MIPEP: variants seen among roughly 807,000 people sequenced by gnomAD.
MIPEP encodes the protein mitochondrial intermediate peptidase.
Under a neutral mutation model 90.3 loss-of-function variants are expected in MIPEP, and 79 were observed. That is an observed-to-expected ratio of 0.87 (90% confidence interval 0.73 to 1.05). The LOEUF (loss-of-function observed/expected upper bound fraction) is 1.05. Among genes scored for constraint, MIPEP ranks in the 50% least tolerant of loss-of-function variants. The pLI, the probability that MIPEP is intolerant of heterozygous loss-of-function variation, is 0.00. For missense variants in MIPEP, 940 were observed against 905.6 expected, an observed-to-expected ratio of 1.04 and a Z score of -0.49; for synonymous variants, 334 against 315.8, an observed-to-expected ratio of 1.06 and a Z score of -0.61.
Position 23,752,384 on chromosome 13 carries a change from G to A in MIPEP, c.2044+4161C>T, listed in dbSNP as rs111275852. 6.7e-4 allele frequency among the ~76,000 whole-genome samples: 102 copies of A among 152,144 alleles called. 1 individual carries two copies. The highest frequency in any genetic ancestry group is 2.9e-3 in the Admixed American group (45 of 15,284). ...AAGAAACAATTCTGCTTCCTAGTGG[G>A]GGCAAAGTATTACTTCCTTGCTATT... On this transcript the variant is annotated intron_variant, in intron 18 of 18. Coordinates refer to ENST00000382172, the MANE Select transcript of MIPEP (RefSeq NM_005932.4).
chr13:23,760,311 C>A, intron 16 of MIPEP, 94 bp from the exon 17 acceptor site: 1 of 1,530,260 alleles, frequency 6.5e-7, no homozygotes, highest in East Asian at 2.3e-5. Flanking sequence ...CAGAGAGACC[C>A]GTAAATGCTT....
chr13:23,836,191 G>T (rs776288269), intron 14 of MIPEP, 49 bp downstream of exon 14: 1 of 1,214,976 alleles, frequency 8.2e-7, no homozygotes, highest in Non-Finnish European at 1.2e-6. Flanking sequence ...TGTCATAAAC[G>T]CCAACTATCA....
intron 10 of MIPEP, among the ~76,000 whole-genome samples, chr13:23,843,064 C>G (rs1869371215): frequency 1.4e-5 from 2 of 141,310 alleles, no homozygotes; most frequent in Admixed American, 7.2e-5. Flanking sequence ...CCACTGCACT[C>G]CAGCCTGGGC....
intron 16 of MIPEP, among the ~76,000 whole-genome samples, chr13:23,767,512 C>T (rs1952603283): frequency 6.6e-6 from 1 of 151,162 alleles, no homozygotes; most frequent in South Asian, 2.1e-4. Flanking sequence ...AGTGCAGTGG[C>T]ACGATCTCGG....
Position 23,815,347 on chromosome 13 carries a change from G to A in MIPEP, c.1654-5423C>T, listed in dbSNP as rs143067084. On this transcript the variant is annotated intron_variant, in intron 14 of 18. Coordinates refer to ENST00000382172, the MANE Select transcript of MIPEP (RefSeq NM_005932.4). ...TTGTTTTTTTTTGAGTCAGAGTCTC[G>A]CTGTGTAGCCCAGGCTGGAGTGCAG... is the stretch of plus-strand genomic sequence containing the variant. Among the ~76,000 whole-genome samples, 156 of 149,508 alleles carry A rather than the reference G, an allele frequency of 1.0e-3. 3 individuals are homozygous for A. In the East Asian group the frequency reaches 0.024, roughly 23 times the overall value.
chr13:23,846,275 C>G (rs1295310431), intron 10 of MIPEP, among the ~76,000 whole-genome samples: 1 of 151,940 alleles, frequency 6.6e-6, no homozygotes, highest in Non-Finnish European at 1.5e-5. Flanking sequence ...CTGGATCTCC[C>G]CAGAATGCAT....
chr13:23,858,242 T>C (rs1870127831), intron 10 of MIPEP, among the ~76,000 whole-genome samples: 2 of 151,980 alleles, frequency 1.3e-5, no homozygotes, highest in South Asian at 4.1e-4. Context: ...AGAAATAGTG[T>C]GTCTGTAGGG....
At chr13:23,783,523 C>T (rs1240766165) in intron 16 of MIPEP, among the ~76,000 whole-genome samples, 1 of 152,156 alleles carries the variant, frequency 6.6e-6, no homozygotes, top group Admixed American at 6.5e-5. Context: ...TGGAAGCATT[C>T]CCTTTGAAAA....
At chr13:23,837,989 ATTAC>A (rs1256938707) in intron 12 of MIPEP, among the ~76,000 whole-genome samples, 5 of 152,172 alleles carry the variant, frequency 3.3e-5, no homozygotes, top group African/African-American at 1.2e-4. Context: ...GGATTAACTC[ATTAC>A]TTTGGTCCCA....
At chr13:23,847,464 TAA>T (rs60152921) in intron 10 of MIPEP, among the ~76,000 whole-genome samples, 52 of 137,666 alleles carry the variant, frequency 3.8e-4, no homozygotes, top group African/African-American at 1.3e-3. Flanking sequence ...AAATCCAAGC[TAA>T]AAAAAAAAAA....
rs141507176 is a variant in MIPEP at position 23,751,338 on chromosome 13, C to A, written c.2044+5207G>T. Among the ~76,000 whole-genome samples, 365 of 152,314 alleles carry A rather than the reference C, an allele frequency of 2.4e-3. 1 individual carries two copies. The highest frequency in any genetic ancestry group is 4.0e-3 in the Non-Finnish European group (270 of 68,036). On this transcript the variant is annotated intron_variant, in intron 18 of 18. Transcript: ENST00000382172. Reference sequence around the variant, plus strand: ...ACGTAAGGTATTATATTTTAATCAGCTTAAGGTAAGGCCCTGCGGGCTTCT... The same window carrying A: ...ACGTAAGGTATTATATTTTAATCAGATTAAGGTAAGGCCCTGCGGGCTTCT...
At chr13:23,834,315 C>T (rs1263367125) in intron 14 of MIPEP, among the ~76,000 whole-genome samples, 2 of 152,192 alleles carry the variant, frequency 1.3e-5, no homozygotes, top group Admixed American at 6.5e-5. Flanking sequence ...AGACCCAACC[C>T]ATATGCCCGT....
Position 23,780,273 on chromosome 13 carries a change from A to G in MIPEP, c.1849-20056T>C, listed in dbSNP as rs150404971. ...AGACGAAGCTTCCAGAGGAATGATC[A>G]AGCAGGAACATTTGCTGTTCAGCAA... On this transcript the variant is annotated intron_variant, in intron 16 of 18. Transcript: ENST00000382172. 1.5e-3 allele frequency among the ~76,000 whole-genome samples: 230 copies of G among 152,312 alleles called. 1 individual carries two copies. Among genetic ancestry groups the G allele is most frequent in the Middle Eastern group, 6.8e-3 (2 of 294 alleles).
intron 17 of MIPEP, among the ~76,000 whole-genome samples, chr13:23,757,051 A>G (rs1392525057): frequency 2.6e-5 from 4 of 152,158 alleles, no homozygotes; most frequent in African/African-American, 9.7e-5. Context: ...TTATTACATT[A>G]TACATTGTAA....
In MIPEP at chr13:23,756,497, C is replaced by A. The variant is rs545835315; in HGVS notation, c.2044+48G>T. ...AAATGAAAAAAACATATGGAGAAAACATAAATCAGCTTTCATTATAGATGG... is the reference window on the plus strand; with the variant it reads ...AAATGAAAAAAACATATGGAGAAAAAATAAATCAGCTTTCATTATAGATGG... On this transcript the variant is annotated intron_variant, in intron 18 of 18. Transcript: ENST00000382172. 3.3e-5 allele frequency: 51 copies of A among 1,565,230 alleles called. 1 individual carries two copies. Among genetic ancestry groups the A allele is most frequent in the Non-Finnish European group, 4.2e-5 (48 of 1,136,006 alleles).
chr13:23,760,520 T>G, intron 16 of MIPEP: 2 of 570,906 alleles, frequency 3.5e-6, no homozygotes, highest in Non-Finnish European at 7.0e-6. Flanking sequence ...ACTGGGCCCT[T>G]GCCCAAACTC....
At chr13:23,790,876 CTCT>C (rs1952891321) in intron 16 of MIPEP, among the ~76,000 whole-genome samples, 1 of 152,326 alleles carries the variant, frequency 6.6e-6, no homozygotes, top group Non-Finnish European at 1.5e-5. Context: ...CCTTGACCTT[CTCT>C]TCTTTAGTGA....
At chr13:23,868,345 G>A (rs1870631944) in intron 7 of MIPEP, among the ~76,000 whole-genome samples, 1 of 152,166 alleles carries the variant, frequency 6.6e-6, no homozygotes, top group Non-Finnish European at 1.5e-5. Flanking sequence ...CGAGAGCCCT[G>A]ACAGGTCAAG....
At chr13:23,852,392 T>C (rs1869836563) in intron 10 of MIPEP, among the ~76,000 whole-genome samples, 2 of 152,212 alleles carry the variant, frequency 1.3e-5, no homozygotes, top group Non-Finnish European at 2.9e-5. Context: ...TGAGATGACA[T>C]GAGGGCTAGG....
Sources: gnomAD v4.1 joint callset for allele counts (sites outside exome capture counted in the v4.1 genomes callset) on GRCh38, gnomAD v4.1.1 for gene constraint, MANE v1.5 for transcripts, NCBI Gene and HGNC (gene_info 2026-07-23, HGNC 2026-07-21) for gene names.